Variants in ESYT2 observed in about 807,000 individuals in gnomAD.
ESYT2 encodes extended synaptotagmin 2.
A neutral mutation model predicts 107.2 loss-of-function variants in ESYT2; 54 were observed. That is an observed-to-expected ratio of 0.50 (90% confidence interval 0.40 to 0.63). The LOEUF (loss-of-function observed/expected upper bound fraction) is 0.63, where lower values mean the gene tolerates loss of function less well. Among genes scored for constraint, ESYT2 ranks in the 30% least tolerant of loss-of-function variants. ESYT2 has a pLI of 0.00. For synonymous variants in ESYT2, 491 were observed against 434.1 expected, an observed-to-expected ratio of 1.13 and a Z score of -1.63; for missense variants, 1,020 against 1,094.5, an observed-to-expected ratio of 0.93 and a Z score of 0.96.
At chr7:158,799,616 A>C (rs1179557890) in intron 1 of ESYT2, among the ~76,000 whole-genome samples, 1 of 152,196 alleles carries the variant, frequency 6.6e-6, no homozygotes, top group Non-Finnish European at 1.5e-5. Context: ...TCTGGACAAC[A>C]TAATGAGACT....
At chr7:158,791,326 G>A (rs750731727) in intron 4 of ESYT2, among the ~76,000 whole-genome samples, 5 of 152,170 alleles carry the variant, frequency 3.3e-5, no homozygotes, top group Admixed American at 2.6e-4. Context: ...CCATTCATCG[G>A]CCCACGCATC....
Position 158,788,359 on chromosome 7 carries a change from C to A in ESYT2, c.643G>T (p.Val215Leu). ...AAAAAACTTACCTGGATACTTTTCA[C>A]ACCAGCTCTACAAAAATATCGTTTG... ...EIKRYFCRAG[V>L]KSIQIHGTMR... Residue 215 changes from valine (V) to leucine (L), a missense_variant, in exon 5 of 23, where the codon GTG becomes TTG. Val to Leu is a conservative substitution (Grantham distance 32, BLOSUM62 1). Transcript: ENST00000275418. 1 of 1,611,230 alleles carries A rather than the reference C, an allele frequency of 6.2e-7. No individual in the cohort carries two copies. The highest frequency in any genetic ancestry group is 1.1e-5 in the South Asian group (1 of 89,868).
At chr7:158,811,537 G>A (rs374831564) in intron 1 of ESYT2, among the ~76,000 whole-genome samples, 86 of 152,322 alleles carry the variant, frequency 5.6e-4, no homozygotes, top group African/African-American at 1.9e-3. Flanking sequence ...AACCATGCGC[G>A]TTCACAGGAA....
intron 3 of ESYT2, among the ~76,000 whole-genome samples, chr7:158,795,717 T>C (rs1179849511): frequency 6.8e-6 from 1 of 148,104 alleles, no homozygotes; most frequent in Non-Finnish European, 1.5e-5. Context: ...AATTGTGTTT[T>C]TTCCCATCTG....
chr7:158,782,138 A>AGT (rs56929624), intron 6 of ESYT2, among the ~76,000 whole-genome samples: 139,081 of 149,018 alleles, frequency 0.93, 64,914 homozygotes, highest in East Asian at 0.94. Flanking sequence ...AACGAGAACA[A>AGT]GTGAGTGAAC....
At chr7:158,824,163 G>A (rs1267959864) in intron 1 of ESYT2, among the ~76,000 whole-genome samples, 1 of 152,112 alleles carries the variant, frequency 6.6e-6, no homozygotes, top group African/African-American at 2.4e-5. Flanking sequence ...AAGCAACAAC[G>A]GTCACATCCT....
In ESYT2 at chr7:158,826,515, A is replaced by AT. The variant is rs59113742; in HGVS notation, c.330+2573dup. On this transcript the variant is annotated intron_variant, in intron 1 of 22. Transcript: ENST00000275418. ...GAATCTTTGGCTAAATTACTTTTGT[A>AT]TTTTTTTTTTTTTTAAAGAATTTCA... Among the ~76,000 whole-genome samples the AT allele has an allele frequency of 4.1e-3, 590 of 145,520 alleles. 2 individuals are homozygous for AT. Among genetic ancestry groups the AT allele is most frequent in the African/African-American group, 0.01 (419 of 39,926 alleles).
At chr7:158,828,990 C>A in intron 1 of ESYT2, 99 bp downstream of exon 1, 1 of 1,496,554 alleles carries the variant, frequency 6.7e-7, no homozygotes, top group South Asian at 1.3e-5. Context: ...GGTCTGCACT[C>A]ACCCAGGCGG....
Position 158,764,797 on chromosome 7 carries a change from G to GT in ESYT2, c.980dup (p.Tyr327Ter). The GT allele has an allele frequency of 6.2e-7, 1 of 1,614,154 alleles. No homozygotes were observed. Among genetic ancestry groups the GT allele is most frequent in the Non-Finnish European group, 8.5e-7 (1 of 1,180,018 alleles). Residue 327 changes from tyrosine to a stop codon, truncating the protein, a stop_gained and frameshift_variant, in exon 9 of 23, where the codon TAC becomes TAAC. Transcript: ENST00000275418. LOFTEE classifies it high-confidence loss of function. ...EAQDLQGKDT[Y>*]LKGLVKGKSD... is the part of the protein sequence containing the mutation. ...ACTTTCCCTTGACAAGTCCCTTAAG[G>GT]TAAGTGTCTTTCCCCTGAAGATCCT... is the stretch of plus-strand genomic sequence containing the variant.
At position 158,821,622 on chromosome 7, in the gene ESYT2, A is replaced by G. The variant is rs1205817404; in HGVS notation, c.330+7467T>C. On this transcript the variant is annotated intron_variant, in intron 1 of 22. Coordinates refer to ENST00000275418, the MANE Select transcript of ESYT2 (RefSeq NM_001367773.1). Reference sequence around the variant, plus strand: ...TGAGGGCCTGGGCCAGCCATCCAGAAGGAGCACTTCTACTCCTCCCAGGTC... The same window carrying G: ...TGAGGGCCTGGGCCAGCCATCCAGAGGGAGCACTTCTACTCCTCCCAGGTC... 2.0e-5 allele frequency among the ~76,000 whole-genome samples: 3 copies of G among 152,254 alleles called. No individual in the cohort carries two copies. The East Asian group carries it at 5.8e-4, about 29-fold the overall frequency.
intron 4 of ESYT2, among the ~76,000 whole-genome samples, chr7:158,790,407 C>G (rs1430614650): frequency 6.6e-6 from 1 of 152,066 alleles, no homozygotes; most frequent in Non-Finnish European, 1.5e-5. Flanking sequence ...TGTGAGGCCC[C>G]ACGTGGAGCA....
chr7:158,764,896 T>C (rs752984248), intron 8 of ESYT2, 43 bp from the exon 9 acceptor site: 1 of 1,592,144 alleles, frequency 6.3e-7, no homozygotes, highest in East Asian at 2.2e-5. Flanking sequence ...TTGGCTGGCT[T>C]GTTTAACTGG....
intron 6 of ESYT2, among the ~76,000 whole-genome samples, chr7:158,782,131 G>A (rs1350339509): frequency 5.4e-5 from 1 of 18,508 alleles, no homozygotes; most frequent in Non-Finnish European, 1.2e-4. Flanking sequence ...GTGTAAGAAC[G>A]AGAACAAGTG....
intron 3 of ESYT2, among the ~76,000 whole-genome samples, chr7:158,794,224 C>A (rs913571614): frequency 1.3e-5 from 2 of 152,142 alleles, no homozygotes; most frequent in South Asian, 4.1e-4. Flanking sequence ...CCAGGCGTGG[C>A]CGCTCAGGTC....
chr7:158,775,902 A>C (rs2129472664), intron 6 of ESYT2, among the ~76,000 whole-genome samples: 1 of 152,306 alleles, frequency 6.6e-6, no homozygotes, highest in East Asian at 1.9e-4. Context: ...CGTCTTACAA[A>C]AAGTATTCCT....
intron 13 of ESYT2, among the ~76,000 whole-genome samples, chr7:158,753,751 G>A (rs1216390060): frequency 1.3e-5 from 2 of 151,698 alleles, no homozygotes; most frequent in African/African-American, 4.8e-5. Flanking sequence ...TAAAGCTGCC[G>A]GTGGAGCTCT....
At chr7:158,783,970 G>A (rs1200392722) in intron 6 of ESYT2, among the ~76,000 whole-genome samples, 3 of 152,182 alleles carry the variant, frequency 2.0e-5, no homozygotes, top group African/African-American at 7.2e-5. Flanking sequence ...GACATGGTAG[G>A]ACAATGTCCC....
intron 1 of ESYT2, among the ~76,000 whole-genome samples, chr7:158,801,695 T>C (rs1355569536): frequency 1.3e-5 from 2 of 152,188 alleles, no homozygotes; most frequent in Non-Finnish European, 2.9e-5. Context: ...AATTTCAATA[T>C]TTATATTATC....
At chr7:158,801,213 A>C (rs926508901) in intron 1 of ESYT2, among the ~76,000 whole-genome samples, 1 of 152,180 alleles carries the variant, frequency 6.6e-6, no homozygotes, top group African/African-American at 2.4e-5. Flanking sequence ...CTCTGCCCAA[A>C]TAAGCTTTGA....
Sources: gnomAD v4.1 joint callset for allele counts (sites outside exome capture counted in the v4.1 genomes callset) on GRCh38, gnomAD v4.1.1 for gene constraint, MANE v1.5 for transcripts, NCBI Gene and HGNC (gene_info 2026-07-23, HGNC 2026-07-21) for gene names.